TRIOBP: variants seen among roughly 807,000 people sequenced by gnomAD.
TRIOBP encodes TRIO and F-actin binding protein.
Under a neutral mutation model 238.8 loss-of-function variants are expected in TRIOBP, and 169 were observed. The ratio of observed to expected loss-of-function variants is 0.71; its 90% CI spans 0.62 to 0.80. TRIOBP has a LOEUF of 0.80. Ranked by LOEUF, TRIOBP falls within the 30% of genes least tolerant of loss-of-function variation. The probability of loss-of-function intolerance (pLI) is 0.00; values close to 1 mark genes in which losing one functional copy is unlikely to be tolerated. For synonymous variants in TRIOBP, 1,150 were observed against 1,274.4 expected (o/e 0.90, Z 2.08); for missense variants, 2,838 against 3,122.6 (o/e 0.91, Z 2.17).
In TRIOBP at chr22:37,724,408, A is replaced by C; in HGVS notation, c.1852A>C (p.Arg618=). ...PRASRTSSPN[R]ATRDNPRTSC... is the part of the protein sequence containing the mutation. ...AGCCTCCAGAACCTCCTCTCCCAAT[A>C]GAGCCACACGAGATAACCCCAGAAC... Residue 618 remains arginine (R), a synonymous_variant, in exon 7 of 24, where the codon AGA becomes CGA. Coordinates refer to ENST00000644935, the MANE Select transcript of TRIOBP (RefSeq NM_001039141.3). 2 of 1,502,532 alleles carry C rather than the reference A, an allele frequency of 1.3e-6. No homozygotes were observed. The highest frequency in any genetic ancestry group is 1.8e-6 in the Non-Finnish European group (2 of 1,117,398). The allele number at this position is 1,502,532 out of a possible 1,614,324, so 93.1% of individuals were successfully genotyped here. A position where few individuals can be genotyped will look rare whatever the true frequency, so the allele number is the denominator to read the frequency against.
In TRIOBP at chr22:37,740,976, C is replaced by T. The variant is rs774610362; in HGVS notation, c.5266C>T (p.Arg1756Trp). 3.8e-5 allele frequency: 59 copies of T among 1,560,616 alleles called. No homozygotes were observed. The East Asian group carries it at 9.0e-4, about 24-fold the overall frequency. Reference protein sequence around the residue: ...LVTSWRMPGDRPTLFNPFLLS... With the variant: ...LVTSWRMPGDWPTLFNPFLLS... ...GACCTCATGGCGGATGCCCGGGGAC[C>T]GGCCCACGCTGTTCAATCCGTTCCT... Residue 1756 changes from arginine to tryptophan, a missense_variant, in exon 11 of 24, where the codon CGG becomes TGG. Physicochemically the swap from Arg to Trp is moderately radical, Grantham distance 101. This residue lies in a region of TRIOBP where 2,096 missense variants were observed against 2,137.4 expected (regional missense o/e 0.98). Transcript: ENST00000644935.
chr22:37,715,163 C>T (rs980256583), intron 5 of TRIOBP, among the ~76,000 whole-genome samples: 4 of 152,004 alleles, frequency 2.6e-5, no homozygotes, highest in African/African-American at 9.7e-5. Flanking sequence ...TACAGGCGCC[C>T]ACCACTATGC....
intron 21 of TRIOBP, 29 bp from the exon 22 acceptor site, chr22:37,771,621 C>T: frequency 1.9e-6 from 3 of 1,609,386 alleles, no homozygotes; most frequent in East Asian, 2.2e-5. Context: ...GCTTCTGGCC[C>T]TGGGTCAGTC....
chr22:37,750,640 A>C (rs1198352475), intron 11 of TRIOBP: 1 of 470,982 alleles, frequency 2.1e-6, no homozygotes, highest in Non-Finnish European at 4.4e-6. Flanking sequence ...TCCCTTAGAC[A>C]GGTATACAGG....
intron 18 of TRIOBP, 70 bp downstream of exon 18, chr22:37,765,887 C>T: frequency 6.6e-7 from 1 of 1,504,236 alleles, no homozygotes; most frequent in Non-Finnish European, 8.9e-7. Context: ...CCTAGCCAAA[C>T]TGGGGAGGAT....
chr22:37,709,771 GGA>G (rs1923138561), intron 3 of TRIOBP, among the ~76,000 whole-genome samples: 1 of 152,204 alleles, frequency 6.6e-6, no homozygotes, highest in Non-Finnish European at 1.5e-5. Flanking sequence ...AAAGGTGGAG[GGA>G]GAGAGGAGTG....
rs188385866 is a variant in TRIOBP at position 37,714,127 on chromosome 22, G to T, written c.456+716G>T. ...GCCCCATATGGGGCTGAGGCTCAGC[G>T]GGGGGAGCAACTTAGTGGAGGCCAC... On this transcript the variant is annotated intron_variant, in intron 5 of 23. Coordinates refer to ENST00000644935, the MANE Select transcript of TRIOBP (RefSeq NM_001039141.3). Among the ~76,000 whole-genome samples the T allele has an allele frequency of 9.2e-5, 14 of 152,258 alleles. No individual in the cohort carries two copies. The East Asian group carries it at 2.5e-3, about 27-fold the overall frequency.
At chr22:37,763,501 G>T (rs1433288567) in intron 17 of TRIOBP, among the ~76,000 whole-genome samples, 1 of 152,166 alleles carries the variant, frequency 6.6e-6, no homozygotes, top group African/African-American at 2.4e-5. Flanking sequence ...TGGAGAGGCG[G>T]GGAGGTGGCC....
Position 37,763,693 on chromosome 22 carries a change from T to G in TRIOBP, c.6325-1977T>G, listed in dbSNP as rs192704891. ...TGGAAATCAACACCCTCACACTCCT[T>G]CTGCTGCCAGCTGCCACCCCAGGGT... On this transcript the variant is annotated intron_variant, in intron 17 of 23. Transcript: ENST00000644935. Among the ~76,000 whole-genome samples the G allele has an allele frequency of 2.0e-3, 298 of 152,340 alleles. 1 individual carries two copies. The highest frequency in any genetic ancestry group is 2.6e-3 in the Non-Finnish European group (180 of 68,026).
Position 37,740,900 on chromosome 22 carries a change from CAA to C in TRIOBP, c.5191_5192del (p.Lys1731GlufsTer97). On this transcript the variant is annotated frameshift_variant, in exon 11 of 24. Coordinates refer to ENST00000644935, the MANE Select transcript of TRIOBP (RefSeq NM_001039141.3). LOFTEE classifies it high-confidence loss of function. The stretch of plus-strand genomic sequence containing the variant: ...CACTGGACCCTGTTTGACAGGCAGA[CAA>C]GAGGCCAGCAGAGGGCAAGGCTGGG... ...TDQKQADSAD[K>X]RPAEGKAGSP... 3.2e-6 allele frequency: 5 copies of C among 1,572,910 alleles called. No individual in the cohort carries two copies. Among genetic ancestry groups the C allele is most frequent in the Non-Finnish European group, 4.3e-6 (5 of 1,158,980 alleles).
rs183196117 is a variant in TRIOBP, at chr22:37,761,378, C to T, written c.6324+2114C>T. 2.8e-4 allele frequency among the ~76,000 whole-genome samples: 42 copies of T among 152,208 alleles called. 1 individual carries two copies. The highest frequency in any genetic ancestry group is 8.7e-4 in the African/African-American group (36 of 41,518). ...CTGAGGCAGGAGAATCGCTTGAACC[C>T]GGGAGGCAGAGGTTGCAGTGAGCTG... On this transcript the variant is annotated intron_variant, in intron 17 of 23. Coordinates refer to ENST00000644935, the MANE Select transcript of TRIOBP (RefSeq NM_001039141.3).
At chr22:37,701,118 G>T (rs543616325) in intron 2 of TRIOBP, among the ~76,000 whole-genome samples, 188 bp from the exon 3 acceptor site, 59 of 152,342 alleles carry the variant, frequency 3.9e-4, no homozygotes, top group African/African-American at 1.4e-3. Context: ...CTGGTGCTTA[G>T]TAGGTGCTTA....
At position 37,776,460 on chromosome 22, in the gene TRIOBP, C is replaced by A. The variant is rs1197743779; in HGVS notation, c.*2680C>A. The stretch of plus-strand genomic sequence containing the variant: ...CACATCCAGGAGAAATGAGTCCTTA[C>A]ATGCACAAAAGGATGAGTACCGTAA... On this transcript the variant is annotated 3_prime_UTR_variant, in exon 24 of 24. Transcript: ENST00000644935. The A allele has an allele frequency of 1.3e-5, 2 of 152,194 alleles. No individual in the cohort carries two copies. Among genetic ancestry groups the A allele is most frequent in the East Asian group, 1.9e-4 (1 of 5,202 alleles). 9.4% of individuals were successfully genotyped at this position (152,194 alleles called of 1,614,324 possible). A position where few individuals can be genotyped will look rare whatever the true frequency, so the allele number is the denominator to read the frequency against.
rs151102167 is a variant in TRIOBP, at chr22:37,711,398, G to A, written c.254+832G>A. Among the ~76,000 whole-genome samples the A allele has an allele frequency of 8.2e-3, 1,240 of 151,978 alleles. 17 individuals are homozygous for A. Among genetic ancestry groups the A allele is most frequent in the African/African-American group, 0.028 (1,169 of 41,446 alleles). On this transcript the variant is annotated intron_variant, in intron 4 of 23. Coordinates refer to ENST00000644935, the MANE Select transcript of TRIOBP (RefSeq NM_001039141.3). ...GGTCGAGACCAGCCTGACCAACATG[G>A]CGAAACCCTGTCTCTACTAACTATA...
chr22:37,751,105 C>T (rs1259838168), intron 11 of TRIOBP: 6 of 434,372 alleles, frequency 1.4e-5, no homozygotes, highest in South Asian at 1.0e-4. Flanking sequence ...TTATCTAGGC[C>T]TGGGTGGGGG....
chr22:37,736,918 T>G (rs1327686327), intron 9 of TRIOBP, among the ~76,000 whole-genome samples: 3 of 152,204 alleles, frequency 2.0e-5, no homozygotes, highest in Non-Finnish European at 4.4e-5. Flanking sequence ...CGAGCCACCA[T>G]GCCCGGCCTA....
At position 37,774,499 on chromosome 22, in the gene TRIOBP, G is replaced by T. The variant is rs1362348365; in HGVS notation, c.*719G>T. The T allele has an allele frequency of 6.6e-6, 1 of 152,220 alleles. No individual in the cohort carries two copies. Among genetic ancestry groups the T allele is most frequent in the Non-Finnish European group, 1.5e-5 (1 of 68,056 alleles). 9.4% of individuals were successfully genotyped at this position (152,220 alleles called of 1,614,324 possible). A position where few individuals can be genotyped will look rare whatever the true frequency, so the allele number is the denominator to read the frequency against. ...CCTGAACCTCTTAACTTAATAAAAC[G>T]TTCCAGCAGCTCTGGTGTCCTAGAT... is the stretch of plus-strand genomic sequence containing the variant. On this transcript the variant is annotated 3_prime_UTR_variant, in exon 24 of 24. Transcript: ENST00000644935.
intron 4 of TRIOBP, among the ~76,000 whole-genome samples, chr22:37,711,397 G>A (rs6000864): frequency 0.14 from 21,453 of 151,834 alleles, 3,250 homozygotes; most frequent in African/African-American, 0.38. Flanking sequence ...TGACCAACAT[G>A]GCGAAACCCT....
chr22:37,775,212 TGGAG>T lies in TRIOBP; in HGVS notation c.*1434_*1437del. The T allele has an allele frequency of 6.6e-6, 1 of 152,318 alleles. No homozygotes were observed. Among genetic ancestry groups the T allele is most frequent in the East Asian group, 1.9e-4 (1 of 5,174 alleles). 9.4% of individuals were successfully genotyped at this position (152,318 alleles called of 1,614,324 possible). On this transcript the variant is annotated 3_prime_UTR_variant, in exon 24 of 24. Coordinates refer to ENST00000644935, the MANE Select transcript of TRIOBP (RefSeq NM_001039141.3). ...CAGCCTGCAGGTAGAAGACTGCCTT[TGGAG>T]GCAGCTTTGAAAGATGACTCTTCCA...
Sources: gnomAD v4.1 joint callset for allele counts (sites outside exome capture counted in the v4.1 genomes callset) on GRCh38, gnomAD v4.1.1 for gene constraint, gnomAD v4.1.1 regional missense constraint, MANE v1.5 for transcripts, NCBI Gene and HGNC (gene_info 2026-07-23, HGNC 2026-07-21) for gene names.